Variants in ADAMTS18 observed in about 807,000 individuals in gnomAD.
The protein encoded by ADAMTS18 is ADAM metallopeptidase with thrombospondin type 1 motif 18.
In ADAMTS18, 157 loss-of-function variants were observed where a neutral mutation model predicts 165.9. The observed-to-expected ratio is 0.95, with a 90% CI of 0.83 to 1.08. The LOEUF is 1.08. Ranked by LOEUF, ADAMTS18 falls within the 50% of genes least tolerant of loss-of-function variation. The probability of loss-of-function intolerance (pLI) is 0.00; values close to 1 mark genes in which losing one functional copy is unlikely to be tolerated. For missense variants in ADAMTS18, 2,040 were observed against 1,534.0 expected (o/e 1.33, Z -5.51); for synonymous variants, 782 against 578.2 (o/e 1.35, Z -5.06).
At chr16:77,368,369 A>G (rs1448207057) in intron 3 of ADAMTS18, among the ~76,000 whole-genome samples, 1 of 151,840 alleles carries the variant, frequency 6.6e-6, no homozygotes, top group Admixed American at 6.6e-5. Flanking sequence ...TCACCACTGG[A>G]TAGAGTGATG....
intron 3 of ADAMTS18, among the ~76,000 whole-genome samples, chr16:77,388,466 G>A (rs778477325): frequency 1.8e-4 from 28 of 152,118 alleles, no homozygotes; most frequent in Non-Finnish European, 3.1e-4. Flanking sequence ...AGAAAACATC[G>A]TGATCACGCC....
chr16:77,394,443 G>C (rs952644245), intron 3 of ADAMTS18, among the ~76,000 whole-genome samples: 1 of 152,112 alleles, frequency 6.6e-6, no homozygotes, highest in Non-Finnish European at 1.5e-5. Context: ...TATTTGTCTA[G>C]TACCTGGTAC....
rs566658092 is a variant in ADAMTS18 at position 77,332,827 on chromosome 16, A to G, written c.1859+2929T>C. 3.3e-5 allele frequency among the ~76,000 whole-genome samples: 5 copies of G among 152,348 alleles called. No homozygotes were observed. The East Asian group carries it at 9.7e-4, about 29-fold the overall frequency. On this transcript the variant is annotated intron_variant, in intron 12 of 22. Coordinates refer to ENST00000282849, the MANE Select transcript of ADAMTS18 (RefSeq NM_199355.4). ...CACAGCTGATTTGACTAGTTGTCAC[A>G]GTGGGACTTTCTGTGTTTGAAGAAA...
At chr16:77,405,187 T>C (rs1316362389) in intron 3 of ADAMTS18, among the ~76,000 whole-genome samples, 3 of 152,168 alleles carry the variant, frequency 2.0e-5, no homozygotes, top group Non-Finnish European at 4.4e-5. Context: ...CAGACACATG[T>C]TGACAGCTAA....
In ADAMTS18 at chr16:77,431,587, T is replaced by C; in HGVS notation, c.203A>G (p.Glu68Gly). ...AATATATGACCCGGCTGAGTCTACT[T>C]CTACTGGCGTGACAAAGACGTAATC... Reference protein sequence around the residue: ...NDDYVFVTPVEVDSAGSYISH... With the variant: ...NDDYVFVTPVGVDSAGSYISH... Residue 68 changes from glutamate to glycine, a missense_variant, in exon 3 of 23, where the codon GAA becomes GGA. Glu to Gly is a moderately conservative substitution (Grantham distance 98, BLOSUM62 -2). Coordinates refer to ENST00000282849, the MANE Select transcript of ADAMTS18 (RefSeq NM_199355.4). The C allele has an allele frequency of 6.2e-7, 1 of 1,614,142 alleles. No individual in the cohort carries two copies. The highest frequency in any genetic ancestry group is 1.1e-5 in the South Asian group (1 of 91,084).
chr16:77,290,755 A>C (rs2055346309), intron 21 of ADAMTS18: 2 of 170,040 alleles, frequency 1.2e-5, no homozygotes, highest in Non-Finnish European at 2.6e-5. Context: ...ATAAGTTTAA[A>C]AGCGAAGTAT....
chr16:77,383,983 A>G lies in ADAMTS18; in HGVS notation c.496-16260T>C, dbSNP rs1303804645. 2.6e-5 allele frequency among the ~76,000 whole-genome samples: 4 copies of G among 152,108 alleles called. No individual in the cohort carries two copies. In the South Asian group the frequency reaches 8.3e-4, roughly 32 times the overall value. ...CCTTTTTTCCCCCATAACAGCCTTT[A>G]TCATGACATGAGAGTGCCACACGCA... On this transcript the variant is annotated intron_variant, in intron 3 of 22. Transcript: ENST00000282849.
intron 3 of ADAMTS18, among the ~76,000 whole-genome samples, chr16:77,416,192 C>G (rs747257209): frequency 6.6e-6 from 1 of 152,034 alleles, no homozygotes; most frequent in Non-Finnish European, 1.5e-5. Context: ...AGATGGATAC[C>G]TGGGGGAAGA....
chr16:77,344,787 G>T (rs187163086), intron 10 of ADAMTS18, among the ~76,000 whole-genome samples: 2 of 152,102 alleles, frequency 1.3e-5, no homozygotes, highest in South Asian at 4.1e-4. Context: ...AAGACAGGCT[G>T]CATGAACATG....
At chr16:77,362,024 G>C (rs2056722056) in intron 7 of ADAMTS18, 81 bp downstream of exon 7, 1 of 1,452,878 alleles carries the variant, frequency 6.9e-7, no homozygotes, top group South Asian at 1.2e-5. Flanking sequence ...AGGAACATAA[G>C]GGCTATCCAT....
chr16:77,349,467 G>A (rs2056523464), intron 10 of ADAMTS18, among the ~76,000 whole-genome samples: 1 of 121,132 alleles, frequency 8.3e-6, no homozygotes, highest in African/African-American at 3.2e-5. Context: ...TTTATCTTAT[G>A]TAAAATGCAG....
At chr16:77,395,017 G>C (rs530893416) in intron 3 of ADAMTS18, among the ~76,000 whole-genome samples, 1 of 152,190 alleles carries the variant, frequency 6.6e-6, no homozygotes, top group Admixed American at 6.5e-5. Context: ...GCATTTGCCT[G>C]TGGCTAGTGG....
chr16:77,389,667 C>T (rs992956473), intron 3 of ADAMTS18, among the ~76,000 whole-genome samples: 3 of 152,106 alleles, frequency 2.0e-5, no homozygotes, highest in Non-Finnish European at 2.9e-5. Flanking sequence ...ATAAATTCTT[C>T]GAAAGGTCTC....
rs7196942 is a variant in ADAMTS18 at position 77,376,535 on chromosome 16, G to A, written c.496-8812C>T. On this transcript the variant is annotated intron_variant, in intron 3 of 22. Transcript: ENST00000282849. ...CCTCAAGAGACAAGAGTCAAGCCGA[G>A]GGAAAGGACTGGGTTGCGCCCGCTA... Among the ~76,000 whole-genome samples the A allele has an allele frequency of 2.6e-5, 4 of 151,904 alleles. No homozygotes were observed. In the East Asian group the frequency reaches 7.8e-4, roughly 30 times the overall value.
chr16:77,373,701 C>G (rs1475838125), intron 3 of ADAMTS18, among the ~76,000 whole-genome samples: 3 of 152,052 alleles, frequency 2.0e-5, no homozygotes, highest in Non-Finnish European at 4.4e-5. Flanking sequence ...ATCTGTCCCC[C>G]AAAAACCTAT....
intron 20 of ADAMTS18, among the ~76,000 whole-genome samples, chr16:77,291,694 T>C (rs776316413): frequency 1.7e-4 from 26 of 152,186 alleles, no homozygotes; most frequent in Non-Finnish European, 2.4e-4. Context: ...GAACTGACTT[T>C]CCCAAAATCA....
At chr16:77,284,683 C>T (rs549376312) in intron 22 of ADAMTS18, among the ~76,000 whole-genome samples, 11 of 152,214 alleles carry the variant, frequency 7.2e-5, no homozygotes, top group African/African-American at 2.4e-4. Context: ...ATGTCTGATC[C>T]TCCCTATGTA....
intron 2 of ADAMTS18, among the ~76,000 whole-genome samples, chr16:77,434,070 A>G (rs1003929900): frequency 3.3e-5 from 5 of 152,242 alleles, no homozygotes; most frequent in Admixed American, 6.5e-5. Context: ...GCTTCCCCCA[A>G]CAAGAGTTAG....
At chr16:77,346,246 A>G (rs1340298263) in intron 10 of ADAMTS18, among the ~76,000 whole-genome samples, 2 of 152,068 alleles carry the variant, frequency 1.3e-5, no homozygotes, top group African/African-American at 4.8e-5. Context: ...TTACAACATC[A>G]TTGACTTATT....
Sources: gnomAD v4.1 joint callset for allele counts (sites outside exome capture counted in the v4.1 genomes callset) on GRCh38, gnomAD v4.1.1 for gene constraint, MANE v1.5 for transcripts, NCBI Gene and HGNC (gene_info 2026-07-23, HGNC 2026-07-21) for gene names.